Variants in VIT observed in about 807,000 individuals in gnomAD.
VIT encodes the protein vitrin.
In VIT, 99 loss-of-function variants were observed where a neutral mutation model predicts 78.0. The observed-to-expected ratio is 1.27, with a 90% CI of 1.08 to 1.50. VIT has a LOEUF of 1.50. Ranked by LOEUF, VIT falls within the 40% of genes most tolerant of loss-of-function variation. The pLI is 0.00. For missense variants in VIT, 1,126 were observed against 875.3 expected, an observed-to-expected ratio of 1.29 and a Z score of -3.61; for synonymous variants, 374 against 334.3, an observed-to-expected ratio of 1.12 and a Z score of -1.29.
chr2:36,794,468 G>A (rs115959787), intron 12 of VIT, among the ~76,000 whole-genome samples: 183 of 152,240 alleles, frequency 1.2e-3, no homozygotes, highest in Non-Finnish European at 1.7e-3. Context: ...GGCTAATCAG[G>A]CCATCAACCT....
intron 2 of VIT, among the ~76,000 whole-genome samples, chr2:36,717,410 G>T: frequency 2.1e-5 from 1 of 48,524 alleles, no homozygotes; most frequent in East Asian, 4.2e-4. Flanking sequence ...TAGAGATGGG[G>T]TTTCACCGTG....
At position 36,758,964 on chromosome 2, in the gene VIT, TGC is replaced by T. The variant is rs1216016631; in HGVS notation, c.410-4_410-3del. ...AATCTCGTTTTTTTTTTCTCTTTTTTGCAGAAAGTAAACCCAAAAAGGGTGTA... is the reference window on the plus strand; with the variant it reads ...AATCTCGTTTTTTTTTTCTCTTTTTTAGAAAGTAAACCCAAAAAGGGTGTA... On this transcript the variant is annotated splice_polypyrimidine_tract_variant and splice_region_variant and intron_variant, in intron 5 of 15. Coordinates refer to ENST00000379242, the MANE Select transcript of VIT (RefSeq NM_053276.4). 8 of 1,612,280 alleles carry T rather than the reference TGC, an allele frequency of 5.0e-6. No homozygotes were observed. In the Admixed American group the frequency reaches 5.0e-5, roughly 10 times the overall value.
At position 36,755,070 on chromosome 2, in the gene VIT, G is replaced by A. The variant is rs1668684060; in HGVS notation, c.409+16G>A. The A allele has an allele frequency of 1.2e-6, 2 of 1,610,152 alleles. No individual in the cohort carries two copies. Among genetic ancestry groups the A allele is most frequent in the Non-Finnish European group, 1.7e-6 (2 of 1,178,356 alleles). On this transcript the variant is annotated intron_variant, in intron 5 of 15. Coordinates refer to ENST00000379242, the MANE Select transcript of VIT (RefSeq NM_053276.4). ...ATCGTCTTAGGTATGACCACACACT[G>A]GAGAAACGCTGCTAAACCTACCACA...
chr2:36,798,630 G>T (rs1051759594), intron 12 of VIT, among the ~76,000 whole-genome samples: 5 of 152,086 alleles, frequency 3.3e-5, no homozygotes, highest in East Asian at 3.9e-4. Context: ...ATGGTGAAAG[G>T]TGCCTGTAAT....
chr2:36,814,154 A>G (rs1240021260), intron 15 of VIT, 29 bp from the exon 16 acceptor site: 4 of 1,604,268 alleles, frequency 2.5e-6, no homozygotes, highest in Admixed American at 1.7e-5. Flanking sequence ...ACTTGGGGAC[A>G]TTTGTTCATC....
intron 8 of VIT, 43 bp from the exon 9 acceptor site, chr2:36,774,959 G>A: frequency 6.2e-7 from 1 of 1,606,778 alleles, no homozygotes; most frequent in Non-Finnish European, 8.5e-7. Context: ...AAAGCAGCCT[G>A]CTGGTTGTGT....
intron 6 of VIT, 136 bp from the exon 7 acceptor site, chr2:36,766,958 T>C: frequency 1.0e-6 from 1 of 1,003,814 alleles, no homozygotes; most frequent in Non-Finnish European, 1.3e-6. Flanking sequence ...GGCTGTTACC[T>C]GGGTTTCACC....
At chr2:36,751,606 G>A (rs10865116) in intron 4 of VIT, among the ~76,000 whole-genome samples, 62,346 of 151,972 alleles carry the variant, frequency 0.41, 12,965 homozygotes, top group Admixed American at 0.5. Context: ...GCGCCCTGTG[G>A]AGAAAATAAG....
intron 12 of VIT, among the ~76,000 whole-genome samples, chr2:36,789,920 C>A (rs1665370054): frequency 6.6e-6 from 1 of 152,224 alleles, no homozygotes; most frequent in South Asian, 2.1e-4. Context: ...GAGCTCAGAA[C>A]TGCTCCTTCC....
intron 15 of VIT, among the ~76,000 whole-genome samples, chr2:36,810,747 G>A (rs1322893307): frequency 6.6e-6 from 1 of 151,598 alleles, no homozygotes; most frequent in Non-Finnish European, 1.5e-5. Context: ...GATTCTTCTG[G>A]CTCAGCCTCC....
intron 4 of VIT, among the ~76,000 whole-genome samples, chr2:36,748,984 T>C (rs983734456): frequency 1.3e-5 from 2 of 152,198 alleles, no homozygotes; most frequent in Non-Finnish European, 2.9e-5. Flanking sequence ...CATCCCGTGT[T>C]TTCTCCGTCG....
chr2:36,765,447 G>C (rs930018158), intron 6 of VIT, among the ~76,000 whole-genome samples: 2 of 148,794 alleles, frequency 1.3e-5, no homozygotes, highest in African/African-American at 4.9e-5. Flanking sequence ...GAGAGAGAGA[G>C]GAAAAACTGC....
intron 3 of VIT, among the ~76,000 whole-genome samples, chr2:36,740,878 C>T (rs1667794907): frequency 6.6e-6 from 1 of 152,158 alleles, no homozygotes; most frequent in East Asian, 1.9e-4. Context: ...AGAAGTCTTT[C>T]AACAGGTTTG....
intron 1 of VIT, 118 bp from the exon 2 acceptor site, chr2:36,716,235 G>A (rs1666125777): frequency 4.3e-6 from 3 of 704,616 alleles, no homozygotes; most frequent in South Asian, 2.2e-5. Context: ...CTATAGCCTG[G>A]AATCGTAAGA....
chr2:36,801,370 G>C lies in VIT; in HGVS notation c.1128G>C (p.Glu376Asp). 1.9e-6 allele frequency: 3 copies of C among 1,614,034 alleles called. No homozygotes were observed. The highest frequency in any genetic ancestry group is 2.5e-6 in the Non-Finnish European group (3 of 1,180,012). Reference sequence around the variant, plus strand: ...CTCGAGATCTGAAGACAGCCATAGAGAAAATTACTCAGAGAGGAGGACTTT... The same window carrying C: ...CTCGAGATCTGAAGACAGCCATAGACAAAATTACTCAGAGAGGAGGACTTT... ...TNSRDLKTAI[E>D]KITQRGGLSN... Residue 376 changes from glutamate (E) to aspartate (D), a missense_variant, in exon 13 of 16, where the codon GAG becomes GAC. Physicochemically the swap from Glu to Asp is conservative, Grantham distance 45. Coordinates refer to ENST00000379242, the MANE Select transcript of VIT (RefSeq NM_053276.4).
intron 3 of VIT, among the ~76,000 whole-genome samples, chr2:36,736,772 T>C (rs1213252802): frequency 6.6e-6 from 1 of 152,258 alleles, no homozygotes; most frequent in Non-Finnish European, 1.5e-5. Flanking sequence ...CTGTATGCAC[T>C]GCACTTTCTC....
At chr2:36,813,558 T>G (rs1304961863) in intron 15 of VIT, among the ~76,000 whole-genome samples, 2 of 152,172 alleles carry the variant, frequency 1.3e-5, no homozygotes, top group East Asian at 1.9e-4. Flanking sequence ...GAAGCCTTTC[T>G]TCATCACAAT....
intron 6 of VIT, among the ~76,000 whole-genome samples, chr2:36,761,952 G>C (rs1669148919): frequency 6.6e-6 from 1 of 152,218 alleles, no homozygotes; most frequent in Non-Finnish European, 1.5e-5. Flanking sequence ...GAGAGGTTTA[G>C]TAACTCACCC....
At chr2:36,726,278 C>A (rs1361213093) in intron 2 of VIT, among the ~76,000 whole-genome samples, 2 of 152,026 alleles carry the variant, frequency 1.3e-5, no homozygotes, top group Non-Finnish European at 1.5e-5. Context: ...ATTAAAATTA[C>A]TGTAGAAAGA....
Sources: gnomAD v4.1 joint callset for allele counts (sites outside exome capture counted in the v4.1 genomes callset) on GRCh38, gnomAD v4.1.1 for gene constraint, MANE v1.5 for transcripts, NCBI Gene and HGNC (gene_info 2026-07-23, HGNC 2026-07-21) for gene names.